The following PCDH15 variants were observed in gnomAD, a reference collection of about 807,000 sequenced individuals.
PCDH15 encodes the protein protocadherin-15.
In PCDH15, 129 loss-of-function variants were observed where a neutral mutation model predicts 178.5. The ratio of observed to expected loss-of-function variants is 0.72; its 90% CI spans 0.63 to 0.84. The LOEUF (loss-of-function observed/expected upper bound fraction) is 0.84. PCDH15 is among the 40% of genes least tolerant of loss of function. PCDH15 has a pLI of 0.00. For synonymous variants in PCDH15, 800 were observed against 732.0 expected (o/e 1.09, Z -1.50); for missense variants, 2,230 against 2,099.9 (o/e 1.06, Z -1.21).
chr10:55,455,776 G>T (rs1839537557), intron 2 of PCDH15, among the ~76,000 whole-genome samples: 1 of 151,898 alleles, frequency 6.6e-6, no homozygotes, highest in African/African-American at 2.4e-5. Context: ...TTAATCTATT[G>T]ATATGTTTAT....
intron 21 of PCDH15, among the ~76,000 whole-genome samples, chr10:53,962,867 T>C (rs988682934): frequency 6.6e-6 from 1 of 152,180 alleles, no homozygotes; most frequent in African/African-American, 2.4e-5. Flanking sequence ...TAGGGTGACA[T>C]TGAGGTGAGC....
At chr10:55,154,279 A>G (rs1423300074) in intron 2 of PCDH15, among the ~76,000 whole-genome samples, 1 of 152,166 alleles carries the variant, frequency 6.6e-6, no homozygotes, top group Non-Finnish European at 1.5e-5. Context: ...CAAGTATAAT[A>G]TTAGTCAAAA....
chr10:55,424,478 C>A (rs1244302502), intron 2 of PCDH15, among the ~76,000 whole-genome samples: 1 of 152,022 alleles, frequency 6.6e-6, no homozygotes, highest in Non-Finnish European at 1.5e-5. Context: ...ACTAAATAGC[C>A]CCAGGGCATC....
chr10:54,753,415 C>T (rs1282284524), intron 1 of PCDH15, among the ~76,000 whole-genome samples: 1 of 152,102 alleles, frequency 6.6e-6, no homozygotes, highest in Non-Finnish European at 1.5e-5. Flanking sequence ...AACTCCTGAC[C>T]TCAAGCTATC....
At chr10:55,071,170 C>T (rs939985205) in intron 2 of PCDH15, among the ~76,000 whole-genome samples, 3 of 152,124 alleles carry the variant, frequency 2.0e-5, no homozygotes, top group Non-Finnish European at 4.4e-5. Flanking sequence ...ACCATCGAGG[C>T]TACGAAGAAA....
At chr10:55,040,718 AAAT>A (rs1235819206) in intron 2 of PCDH15, among the ~76,000 whole-genome samples, 1 of 152,164 alleles carries the variant, frequency 6.6e-6, no homozygotes, top group East Asian at 1.9e-4. Context: ...CTCATTTAGA[AAAT>A]AATATCTTGA....
At chr10:55,118,967 A>C (rs1432970892) in intron 2 of PCDH15, among the ~76,000 whole-genome samples, 1 of 152,140 alleles carries the variant, frequency 6.6e-6, no homozygotes, top group African/African-American at 2.4e-5. Flanking sequence ...TGAATCCCTT[A>C]CTGATGTCTT....
At chr10:55,476,809 G>A (rs1840070904) in intron 2 of PCDH15, among the ~76,000 whole-genome samples, 2 of 151,980 alleles carry the variant, frequency 1.3e-5, no homozygotes, top group East Asian at 1.9e-4. Flanking sequence ...TAACTAAAGA[G>A]CATTGCAATT....
intron 2 of PCDH15, among the ~76,000 whole-genome samples, chr10:55,351,502 C>T (rs1316563126): frequency 6.6e-6 from 1 of 152,044 alleles, no homozygotes; most frequent in African/African-American, 2.4e-5. Flanking sequence ...ATAAATAAGC[C>T]TTCTCTAGGG....
chr10:55,318,825 A>G (rs1486737757), intron 1 of PCDH15, among the ~76,000 whole-genome samples: 3 of 152,212 alleles, frequency 2.0e-5, no homozygotes, highest in Non-Finnish European at 4.4e-5. Context: ...TAGAACAACA[A>G]GAAAACTCAA....
At chr10:54,600,415 G>A in intron 2 of PCDH15, 1 of 572,428 alleles carries the variant, frequency 1.7e-6, no homozygotes, top group East Asian at 4.5e-5. Context: ...AGAGGAGTAA[G>A]ACATTGTCAC....
intron 2 of PCDH15, among the ~76,000 whole-genome samples, chr10:54,537,223 TCTC>T (rs1023895374): frequency 4.4e-4 from 67 of 152,140 alleles, no homozygotes; most frequent in Admixed American, 7.2e-4. Context: ...ATGGTCGCGA[TCTC>T]CTGACCTTGT....
At chr10:53,810,089 T>G (rs1245281360) in intron 37 of PCDH15, among the ~76,000 whole-genome samples, 1 of 151,258 alleles carries the variant, frequency 6.6e-6, no homozygotes, top group East Asian at 2.0e-4. Context: ...TTTATAGAAA[T>G]GAGTCATGCT....
At chr10:54,217,270 G>A (rs567852319) in intron 9 of PCDH15, among the ~76,000 whole-genome samples, 2 of 152,176 alleles carry the variant, frequency 1.3e-5, no homozygotes, top group African/African-American at 2.4e-5. Context: ...TGTATATTTA[G>A]TTGTTGGCAC....
At chr10:55,199,369 G>A (rs1290441327) in intron 1 of PCDH15, among the ~76,000 whole-genome samples, 1 of 151,950 alleles carries the variant, frequency 6.6e-6, no homozygotes, top group East Asian at 1.9e-4. Flanking sequence ...GATGATTTAG[G>A]GTATCTGGCA....
At chr10:53,919,775 ATAAT>A (rs1451242824) in intron 25 of PCDH15, among the ~76,000 whole-genome samples, 2 of 152,182 alleles carry the variant, frequency 1.3e-5, no homozygotes, top group Non-Finnish European at 2.9e-5. Context: ...AGTGAAAAAA[ATAAT>A]TTATTTGTAT....
chr10:54,555,537 C>CT (rs759097798), intron 2 of PCDH15, among the ~76,000 whole-genome samples: 5 of 150,810 alleles, frequency 3.3e-5, no homozygotes, highest in Non-Finnish European at 7.4e-5. Context: ...TGAGACCAGC[C>CT]TGACCAACAC....
At chr10:55,012,465 A>G (rs908039084) in intron 2 of PCDH15, among the ~76,000 whole-genome samples, 2 of 152,142 alleles carry the variant, frequency 1.3e-5, no homozygotes, top group African/African-American at 2.4e-5. Flanking sequence ...TATAAAGCCA[A>G]TGTTTCAAAA....
intron 3 of PCDH15, among the ~76,000 whole-genome samples, chr10:54,853,316 TATACATACAC>T (rs1953670551): frequency 8.7e-6 from 1 of 115,144 alleles, no homozygotes. Flanking sequence ...TATATATATA[TATACATACAC>T]ACACATATAC....
Sources: allele counts gnomAD v4.1 joint callset (sites outside exome capture counted in the v4.1 genomes callset), GRCh38; gene constraint gnomAD v4.1.1; transcripts MANE v1.5; gene names NCBI Gene and HGNC (gene_info 2026-07-23, HGNC 2026-07-21).